The following MGAT4C variants were observed in gnomAD, a reference collection of about 807,000 sequenced individuals.
The protein encoded by MGAT4C is alpha-1,3-mannosyl-glycoprotein 4-beta-N-acetylglucosaminyltransferase C.
A neutral mutation model predicts 40.1 loss-of-function variants in MGAT4C; 19 were observed. That is an observed-to-expected ratio of 0.47 (90% confidence interval 0.33 to 0.70). The LOEUF (loss-of-function observed/expected upper bound fraction) is 0.70. Ranked by LOEUF, MGAT4C falls within the 30% of genes least tolerant of loss-of-function variation. The probability of loss-of-function intolerance (pLI) is 0.02; values close to 1 mark genes in which losing one functional copy is unlikely to be tolerated. For missense variants in MGAT4C, 491 were observed against 563.2 expected, an observed-to-expected ratio of 0.87 and a Z score of 1.30; for synonymous variants, 181 against 187.1, an observed-to-expected ratio of 0.97 and a Z score of 0.27.
rs77286426 is a variant in MGAT4C at position 86,246,025 on chromosome 12, T to A, written c.-57+10214A>T. On this transcript the variant is annotated intron_variant, in intron 1 of 4. Coordinates refer to ENST00000611864, the MANE Select transcript of MGAT4C (RefSeq NM_001351288.2). The stretch of plus-strand genomic sequence containing the variant: ...TTAATTGTACATTCATATTTATATA[T>A]TAGAGTGTAGTAGTATTTTCCAATC... Among the ~76,000 whole-genome samples the A allele has an allele frequency of 0.014, 2,126 of 152,224 alleles. 171 individuals carry two copies. The East Asian group carries it at 0.22, about 16-fold the overall frequency.
intron 4 of MGAT4C, among the ~76,000 whole-genome samples, chr12:86,277,303 G>A (rs1407516833): frequency 6.6e-6 from 1 of 152,090 alleles, no homozygotes; most frequent in East Asian, 1.9e-4. Context: ...TCCATTGTCA[G>A]ATGAATACTT....
chr12:86,222,368 A>G (rs1950914074), intron 1 of MGAT4C, among the ~76,000 whole-genome samples: 1 of 152,216 alleles, frequency 6.6e-6, no homozygotes, highest in Non-Finnish European at 1.5e-5. Flanking sequence ...AAAGGTCTCA[A>G]GAAAGACTAA....
At chr12:86,496,732 A>G (rs1283896419) in intron 2 of MGAT4C, among the ~76,000 whole-genome samples, 1 of 151,966 alleles carries the variant, frequency 6.6e-6, no homozygotes, top group Non-Finnish European at 1.5e-5. Flanking sequence ...ACTATGAAAA[A>G]CACTTCTATA....
chr12:85,983,732 A>T, intron 3 of MGAT4C, 62 bp from the exon 4 acceptor site: 1 of 1,349,278 alleles, frequency 7.4e-7, no homozygotes. Context: ...GATTAAATAA[A>T]GTTTCTTTTT....
intron 1 of MGAT4C, among the ~76,000 whole-genome samples, chr12:86,794,688 C>T (rs1177995103): frequency 1.3e-5 from 2 of 151,864 alleles, no homozygotes; most frequent in Non-Finnish European, 2.9e-5. Context: ...TCTGAGGGAA[C>T]TTTGTACTCT....
intron 2 of MGAT4C, among the ~76,000 whole-genome samples, chr12:86,042,885 A>G (rs1892010669): frequency 1.3e-5 from 2 of 149,436 alleles, no homozygotes; most frequent in African/African-American, 2.4e-5. Context: ...AAAAAAAAAA[A>G]AAAGAATGCT....
chr12:86,634,870 C>T (rs1318531060), intron 2 of MGAT4C, among the ~76,000 whole-genome samples: 1 of 152,112 alleles, frequency 6.6e-6, no homozygotes, highest in Non-Finnish European at 1.5e-5. Flanking sequence ...ATAGGTTCAG[C>T]CTTCATGAAA....
chr12:86,811,645 AT>A (rs1952477068), intron 1 of MGAT4C, among the ~76,000 whole-genome samples: 1 of 151,378 alleles, frequency 6.6e-6, no homozygotes, highest in African/African-American at 2.4e-5. Context: ...CCCAGCCAGT[AT>A]TCTATTATTA....
chr12:86,006,545 A>G lies in MGAT4C; in HGVS notation c.-6-16993T>C, dbSNP rs569572284. Among the ~76,000 whole-genome samples, 15 of 152,302 alleles carry G rather than the reference A, an allele frequency of 9.8e-5. No individual in the cohort carries two copies. The South Asian group carries it at 2.9e-3, about 29-fold the overall frequency. ...TGAACAAGAGGAGGGACTGACAAAG[A>G]ATCTCTCCTTGACTAAACTTTAATC... On this transcript the variant is annotated intron_variant, in intron 2 of 4. Transcript: ENST00000611864.
chr12:86,338,301 A>C (rs905872317), intron 3 of MGAT4C, among the ~76,000 whole-genome samples: 2 of 152,130 alleles, frequency 1.3e-5, no homozygotes, highest in African/African-American at 2.4e-5. Flanking sequence ...ACAAGATCAG[A>C]TGAGCCAGTT....
chr12:86,357,888 A>C (rs1022816748), intron 3 of MGAT4C, among the ~76,000 whole-genome samples: 3 of 152,208 alleles, frequency 2.0e-5, no homozygotes, highest in African/African-American at 7.2e-5. Flanking sequence ...GAATGGAACC[A>C]AGTTGGAAAA....
intron 1 of MGAT4C, among the ~76,000 whole-genome samples, chr12:86,219,355 T>C (rs1374509450): frequency 1.1e-5 from 1 of 92,062 alleles, no homozygotes; most frequent in Admixed American, 1.2e-4. Flanking sequence ...GAAAAAATGA[T>C]GAGGTGACTG....
At chr12:86,106,038 A>T (rs554345739) in intron 1 of MGAT4C, among the ~76,000 whole-genome samples, 1 of 152,250 alleles carries the variant, frequency 6.6e-6, no homozygotes, top group Non-Finnish European at 1.5e-5. Context: ...TTAGTGCTAT[A>T]TTCTTTCTAG....
At chr12:86,064,177 G>A (rs1327470839) in intron 1 of MGAT4C, among the ~76,000 whole-genome samples, 1 of 152,082 alleles carries the variant, frequency 6.6e-6, no homozygotes, top group Non-Finnish European at 1.5e-5. Flanking sequence ...AAATGCAAAA[G>A]AATGGAAATC....
rs1176955288 is a variant in MGAT4C, at chr12:85,971,285, G to A, written c.*8004C>T. Reference sequence around the variant, plus strand: ...TGGGCACCCAGTTATTTGGTGGTACGCTGAGTGAAAATATGTAGCTTTATC... The same window carrying A: ...TGGGCACCCAGTTATTTGGTGGTACACTGAGTGAAAATATGTAGCTTTATC... On this transcript the variant is annotated 3_prime_UTR_variant, in exon 5 of 5. Transcript: ENST00000611864. The A allele has an allele frequency of 1.3e-5, 2 of 151,218 alleles. No homozygotes were observed. The highest frequency in any genetic ancestry group is 2.4e-5 in the African/African-American group (1 of 41,344). The allele number at this position is 151,218 out of a possible 1,614,324, so 9.4% of individuals were successfully genotyped here.
intron 2 of MGAT4C, among the ~76,000 whole-genome samples, chr12:86,671,297 A>G (rs545112526): frequency 7.9e-5 from 12 of 152,316 alleles, no homozygotes; most frequent in African/African-American, 2.6e-4. Flanking sequence ...TGTTTATATA[A>G]AATTAAATGA....
chr12:85,972,478 T>C lies in MGAT4C; in HGVS notation c.*6811A>G, dbSNP rs1012537525. ...AGGAGTTTTAATTATTTTTAATATATTGCTTCTTTATTAAAAAAAGATACA... is the reference window on the plus strand; with the variant it reads ...AGGAGTTTTAATTATTTTTAATATACTGCTTCTTTATTAAAAAAAGATACA... On this transcript the variant is annotated 3_prime_UTR_variant, in exon 5 of 5. Transcript: ENST00000611864. The C allele has an allele frequency of 6.6e-6, 1 of 151,052 alleles. No homozygotes were observed. The highest frequency in any genetic ancestry group is 1.5e-5 in the Non-Finnish European group (1 of 67,230). 9.4% of individuals were successfully genotyped at this position (151,052 alleles called of 1,614,324 possible).
intron 2 of MGAT4C, among the ~76,000 whole-genome samples, chr12:86,480,155 A>G (rs924813112): frequency 5.9e-5 from 9 of 151,728 alleles, no homozygotes; most frequent in Non-Finnish European, 1.0e-4. Flanking sequence ...AAAGTTTTGG[A>G]AAAAAATACA....
chr12:86,246,162 C>T (rs1407801116), intron 1 of MGAT4C, among the ~76,000 whole-genome samples: 1 of 145,320 alleles, frequency 6.9e-6, no homozygotes, highest in African/African-American at 2.5e-5. Flanking sequence ...CCATGAATAT[C>T]TCCTAGTGTA....
Sources: gnomAD v4.1 joint callset for allele counts (sites outside exome capture counted in the v4.1 genomes callset) on GRCh38, gnomAD v4.1.1 for gene constraint, MANE v1.5 for transcripts, NCBI Gene and HGNC (gene_info 2026-07-23, HGNC 2026-07-21) for gene names.